Variants in FNDC5 observed in about 807,000 individuals in gnomAD.
FNDC5 encodes fibronectin type III domain-containing protein 5.
Under a neutral mutation model 24.6 loss-of-function variants are expected in FNDC5, and 10 were observed. That is an observed-to-expected ratio of 0.41 (90% CI 0.25 to 0.69). The LOEUF (loss-of-function observed/expected upper bound fraction) is 0.69, where lower values mean the gene tolerates loss of function less well. Among genes scored for constraint, FNDC5 ranks in the 30% least tolerant of loss-of-function variants. The pLI is 0.34. For synonymous variants in FNDC5, 90 were observed against 110.7 expected (o/e 0.81, Z 1.18); for missense variants, 226 against 282.9 (o/e 0.80, Z 1.44).
chr1:32,869,505 G>T (rs554344680), intron 1 of FNDC5, among the ~76,000 whole-genome samples: 1 of 152,352 alleles, frequency 6.6e-6, no homozygotes, highest in African/African-American at 2.4e-5. Context: ...GGAGTGAGGA[G>T]AACAGAAGTA....
At position 32,863,975 on chromosome 1, in the gene FNDC5, G is replaced by C; in HGVS notation, c.*319C>G. 1 of 1,317,492 alleles carries C rather than the reference G, an allele frequency of 7.6e-7. No individual in the cohort carries two copies. The highest frequency in any genetic ancestry group is 9.8e-7 in the Non-Finnish European group (1 of 1,022,884). 81.6% of individuals were successfully genotyped at this position (1,317,492 alleles called of 1,614,324 possible). A position where few individuals can be genotyped will look rare whatever the true frequency, so the allele number is the denominator to read the frequency against. On this transcript the variant is annotated 3_prime_UTR_variant, in exon 6 of 6. Transcript: ENST00000373471. ...TTTGCCTTTTCAAACCCAGCCTTCA[G>C]CCTCACTCAACTGAATGGCCAAGAC...
chr1:32,868,992 G>A lies in FNDC5; in HGVS notation c.100C>T (p.Pro34Ser). 2 of 1,233,652 alleles carry A rather than the reference G, an allele frequency of 1.6e-6. No individual in the cohort carries two copies. The highest frequency in any genetic ancestry group is 1.5e-5 in the African/African-American group (1 of 64,554). The allele number at this position is 1,233,652 out of a possible 1,614,324, so 76.4% of individuals were successfully genotyped here. A position where few individuals can be genotyped will look rare whatever the true frequency, so the allele number is the denominator to read the frequency against. Reference sequence around the variant, plus strand: ...ACGGTGACGTTCACTGGGGCTGAGGGACTGTCTGGGGGACGGGGAGGCACC... The same window carrying A: ...ACGGTGACGTTCACTGGGGCTGAGGAACTGTCTGGGGGACGGGGAGGCACC... Residue 34 changes from proline (P) to serine (S), a missense_variant, in exon 2 of 6, where the codon CCC becomes TCC. Pro to Ser is a moderately conservative substitution (Grantham distance 74). Coordinates refer to ENST00000373471, the MANE Select transcript of FNDC5 (RefSeq NM_153756.3). This position sits in a 1 kb window ranked among gnomAD's most constrained non-coding sequence, Gnocchi z 4.8.
At chr1:32,864,589 A>AC in intron 5 of FNDC5, 75 bp downstream of exon 5, 1 of 1,603,002 alleles carries the variant, frequency 6.2e-7, no homozygotes, top group Non-Finnish European at 8.5e-7. Context: ...CCCCGAGCTG[A>AC]CCCCCTCTGC....
chr1:32,865,510 C>T lies in FNDC5; in HGVS notation c.500-713G>A, dbSNP rs1641054482. 2.6e-5 allele frequency among the ~76,000 whole-genome samples: 4 copies of T among 151,770 alleles called. No homozygotes were observed. The South Asian group carries it at 8.3e-4, about 32-fold the overall frequency. The stretch of plus-strand genomic sequence containing the variant: ...ACTAAAAATACAAAAATTAGCTGGG[C>T]GTGGTGGCAGGTGCCTATAATCCCA... On this transcript the variant is annotated intron_variant, in intron 4 of 5. Transcript: ENST00000373471.
Position 32,867,865 on chromosome 1 carries a change from T to A in FNDC5, c.410-23A>T, listed in dbSNP as rs371687782. Reference sequence around the variant, plus strand: ...CATCTGCAGGGAGAGAGACACTAGATCCAGCACTCCTTTCCTCCCTCAGCC... The same window carrying A: ...CATCTGCAGGGAGAGAGACACTAGAACCAGCACTCCTTTCCTCCCTCAGCC... On this transcript the variant is annotated intron_variant, in intron 3 of 5. Transcript: ENST00000373471. The A allele has an allele frequency of 3.7e-6, 6 of 1,610,444 alleles. No homozygotes were observed. The African/African-American group carries it at 8.0e-5, about 22-fold the overall frequency.
In FNDC5 at chr1:32,862,478, C is replaced by T. The variant is rs1359957068; in HGVS notation, c.*1816G>A. On this transcript the variant is annotated 3_prime_UTR_variant, in exon 6 of 6. Transcript: ENST00000373471. ...CTGCCCTTTATCCTGTCTCTCCTCC[C>T]CAGTGCTGTCACACTTGGGCAAAGC... 1 of 152,658 alleles carries T rather than the reference C, an allele frequency of 6.6e-6. No individual in the cohort carries two copies. Among genetic ancestry groups the T allele is most frequent in the South Asian group, 2.1e-4 (1 of 4,836 alleles). The allele number at this position is 152,658 out of a possible 1,614,324, so 9.5% of individuals were successfully genotyped here. A position where few individuals can be genotyped will look rare whatever the true frequency, so the allele number is the denominator to read the frequency against.
chr1:32,871,495 T>G (rs1448484838), upstream of FNDC5, among the ~76,000 whole-genome samples: 1 of 152,128 alleles, frequency 6.6e-6, no homozygotes, highest in African/African-American at 2.4e-5. Flanking sequence ...ATCCCCATAG[T>G]GAGGGCAGTA....
At position 32,868,410 on chromosome 1, in the gene FNDC5, T is replaced by G. The variant is rs370602401; in HGVS notation, c.211-22A>C. The G allele has an allele frequency of 3.1e-6, 5 of 1,608,048 alleles. No individual in the cohort carries two copies. The highest frequency in any genetic ancestry group is 4.3e-6 in the Non-Finnish European group (5 of 1,175,662). ...TCTTCTGCAGACAAGCGCCGGTCACTGCTGTCAACACTCGGTGACCAGCCC... is the reference window on the plus strand; with the variant it reads ...TCTTCTGCAGACAAGCGCCGGTCACGGCTGTCAACACTCGGTGACCAGCCC... On this transcript the variant is annotated intron_variant, in intron 2 of 5. Coordinates refer to ENST00000373471, the MANE Select transcript of FNDC5 (RefSeq NM_153756.3). The surrounding 1 kb of genome is among the most constrained non-coding windows in gnomAD (Gnocchi z 4.8).
At position 32,864,054 on chromosome 1, in the gene FNDC5, T is replaced by G; in HGVS notation, c.*240A>C. 2.1e-6 allele frequency: 3 copies of G among 1,430,216 alleles called. No homozygotes were observed. The highest frequency in any genetic ancestry group is 2.8e-6 in the Non-Finnish European group (3 of 1,089,728). 88.6% of individuals were successfully genotyped at this position (1,430,216 alleles called of 1,614,324 possible). A position where few individuals can be genotyped will look rare whatever the true frequency, so the allele number is the denominator to read the frequency against. On this transcript the variant is annotated 3_prime_UTR_variant, in exon 6 of 6. Coordinates refer to ENST00000373471, the MANE Select transcript of FNDC5 (RefSeq NM_153756.3). The stretch of plus-strand genomic sequence containing the variant: ...CCAGTCTACCCCCAGCAGTCATCCC[T>G]CTGAGTGCAGCCTCAGCCACTGACA...
At chr1:32,870,546 C>G (rs1569996749) in intron 1 of FNDC5, 107 bp downstream of exon 1, 1 of 606,136 alleles carries the variant, frequency 1.6e-6, no homozygotes, top group Non-Finnish European at 2.2e-6. Flanking sequence ...GTGTTTGGGC[C>G]GAGACAGGAG....
Position 32,864,231 on chromosome 1 carries a change from G to C in FNDC5, c.*63C>G. ...TGGATAATCATCATCAGAACCATGAGATCCTCTCACATTCTCTACTGTCTG... is the reference window on the plus strand; with the variant it reads ...TGGATAATCATCATCAGAACCATGACATCCTCTCACATTCTCTACTGTCTG... On this transcript the variant is annotated 3_prime_UTR_variant, in exon 6 of 6. Coordinates refer to ENST00000373471, the MANE Select transcript of FNDC5 (RefSeq NM_153756.3). The C allele has an allele frequency of 9.9e-6, 16 of 1,614,096 alleles. No individual in the cohort carries two copies. Among genetic ancestry groups the C allele is most frequent in the Non-Finnish European group, 1.4e-5 (16 of 1,179,980 alleles).
intron 5 of FNDC5, 48 bp downstream of exon 5, chr1:32,864,616 G>A (rs781114267): frequency 3.1e-6 from 5 of 1,612,550 alleles, no homozygotes; most frequent in Non-Finnish European, 3.4e-6. Flanking sequence ...GGGATTACCA[G>A]AGCATGAGGC....
Position 32,863,333 on chromosome 1 carries a change from C to T in FNDC5, c.*961G>A, listed in dbSNP as rs1640999310. The T allele has an allele frequency of 5.7e-6, 1 of 176,632 alleles. No individual in the cohort carries two copies. The highest frequency in any genetic ancestry group is 5.5e-5 in the Admixed American group (1 of 18,170). The allele number at this position is 176,632 out of a possible 1,614,324, so 10.9% of individuals were successfully genotyped here. A position where few individuals can be genotyped will look rare whatever the true frequency, so the allele number is the denominator to read the frequency against. ...GGATCCAGAAAAGGCTTGATGGCAGCCATGATCCTGCCTGGCAGGCAGCCC... is the reference window on the plus strand; with the variant it reads ...GGATCCAGAAAAGGCTTGATGGCAGTCATGATCCTGCCTGGCAGGCAGCCC... On this transcript the variant is annotated 3_prime_UTR_variant, in exon 6 of 6. Coordinates refer to ENST00000373471, the MANE Select transcript of FNDC5 (RefSeq NM_153756.3).
At chr1:32,864,531 CACAG>C (rs1032630868) in intron 5 of FNDC5, 129 bp downstream of exon 5, 5 of 1,542,944 alleles carry the variant, frequency 3.2e-6, no homozygotes, top group Non-Finnish European at 4.4e-6. Context: ...CCCTGTGTCA[CACAG>C]GCAGCAGCCA....
At chr1:32,866,311 A>AT (rs1350824035) in intron 4 of FNDC5, among the ~76,000 whole-genome samples, 2 of 151,954 alleles carry the variant, frequency 1.3e-5, no homozygotes, top group Admixed American at 6.6e-5. Context: ...CCTAAGGAGC[A>AT]TTTTTTTCCC....
At chr1:32,867,945 C>CAGAT (rs1641104873) in intron 3 of FNDC5, 103 bp from the exon 4 acceptor site, 1 of 1,192,970 alleles carries the variant, frequency 8.4e-7, no homozygotes, top group Non-Finnish European at 1.2e-6. Flanking sequence ...GGTGCCCACA[C>CAGAT]ATCTAACATA....
In FNDC5 at chr1:32,862,548, G is replaced by C. The variant is rs1309625779; in HGVS notation, c.*1746C>G. 1 of 152,698 alleles carries C rather than the reference G, an allele frequency of 6.5e-6. No individual in the cohort carries two copies. Among genetic ancestry groups the C allele is most frequent in the African/African-American group, 2.4e-5 (1 of 41,456 alleles). The allele number at this position is 152,698 out of a possible 1,614,324, so 9.5% of individuals were successfully genotyped here. On this transcript the variant is annotated 3_prime_UTR_variant, in exon 6 of 6. Coordinates refer to ENST00000373471, the MANE Select transcript of FNDC5 (RefSeq NM_153756.3). ...CCTTGAGAGCTCTTGTAGACCGGAAGGAAGGGGCGGTCATTGGGTGATGGC... is the reference window on the plus strand; with the variant it reads ...CCTTGAGAGCTCTTGTAGACCGGAACGAAGGGGCGGTCATTGGGTGATGGC...
In FNDC5 at chr1:32,864,742, A is replaced by G. The variant is rs1328671041; in HGVS notation, c.555T>C (p.Asn185=). 6.2e-7 allele frequency: 1 copy of G among 1,613,882 alleles called. No homozygotes were observed. Among genetic ancestry groups the G allele is most frequent in the Non-Finnish European group, 8.5e-7 (1 of 1,179,980 alleles). ...CACTCTTGGTTTTTTCCTTGTTGTT[A>G]TTGGGTTCATTGTCCTTGATGATGT... The change falls in exon 5 of 6, where the codon AAT becomes AAC. Residue 185 remains asparagine (N), a synonymous_variant. Coordinates refer to ENST00000373471, the MANE Select transcript of FNDC5 (RefSeq NM_153756.3).
chr1:32,870,622 GGC>G lies in FNDC5; in HGVS notation c.94+29_94+30del, dbSNP rs943898017. 5 of 1,184,572 alleles carry G rather than the reference GGC, an allele frequency of 4.2e-6. No individual in the cohort carries two copies. In the African/African-American group the frequency reaches 8.0e-5, roughly 19 times the overall value. The allele number at this position is 1,184,572 out of a possible 1,614,324, so 73.4% of individuals were successfully genotyped here. ...GCTGGGCTCGAGAGGAGCCTGCCCC[GGC>G]GCCGGCCCCCCGCCCCGGGCCCCCT... On this transcript the variant is annotated intron_variant, in intron 1 of 5. Transcript: ENST00000373471.
Sources: gnomAD v4.1 joint callset for allele counts (sites outside exome capture counted in the v4.1 genomes callset) on GRCh38, gnomAD v4.1.1 for gene constraint, Gnocchi (gnomAD v3.1) non-coding constraint, MANE v1.5 for transcripts, NCBI Gene and HGNC (gene_info 2026-07-23, HGNC 2026-07-21) for gene names.